TMEM108: variants seen among roughly 807,000 people sequenced by gnomAD.
The protein encoded by TMEM108 is transmembrane protein 108.
In TMEM108, 12 loss-of-function variants were observed where a neutral mutation model predicts 35.1. The ratio of observed to expected loss-of-function variants is 0.34; its 90% CI spans 0.22 to 0.55. The LOEUF (loss-of-function observed/expected upper bound fraction) is 0.55, where lower values mean the gene tolerates loss of function less well. Among genes scored for constraint, TMEM108 ranks in the 20% least tolerant of loss-of-function variants. TMEM108 has a pLI of 0.89. For missense variants in TMEM108, 680 were observed against 753.3 expected (o/e 0.90, Z 1.14); for synonymous variants, 287 against 308.6 (o/e 0.93, Z 0.73).
At chr3:133,347,766 C>T (rs1183957132) in intron 3 of TMEM108, among the ~76,000 whole-genome samples, 1 of 151,980 alleles carries the variant, frequency 6.6e-6, no homozygotes, top group Non-Finnish European at 1.5e-5. Context: ...AATACTTCCC[C>T]TATATAGCAG....
At chr3:133,057,431 GTGTGT>G (rs1943479095) in intron 2 of TMEM108, among the ~76,000 whole-genome samples, 1 of 42,450 alleles carries the variant, frequency 2.4e-5, no homozygotes, top group Non-Finnish European at 4.7e-5. Flanking sequence ...TTGTGTGTGT[GTGTGT>G]ATATATATAT....
chr3:133,282,746 G>A (rs1218699243), intron 3 of TMEM108, among the ~76,000 whole-genome samples: 1 of 152,130 alleles, frequency 6.6e-6, no homozygotes, highest in Non-Finnish European at 1.5e-5. Flanking sequence ...CTTTATGAAA[G>A]GTGAAGTACA....
At chr3:133,118,026 T>C (rs1471233583) in intron 2 of TMEM108, among the ~76,000 whole-genome samples, 11 of 152,152 alleles carry the variant, frequency 7.2e-5, no homozygotes, top group East Asian at 1.9e-4. Flanking sequence ...TGAGTACTCA[T>C]TCTATTAGGT....
chr3:133,245,768 T>A (rs901970911), intron 3 of TMEM108, among the ~76,000 whole-genome samples: 5 of 152,228 alleles, frequency 3.3e-5, no homozygotes, highest in Admixed American at 2.6e-4. Context: ...ATGGTCTAGG[T>A]TGGCCCAGTC....
intron 3 of TMEM108, among the ~76,000 whole-genome samples, chr3:133,374,628 G>C (rs1202197335): frequency 3.3e-5 from 5 of 151,532 alleles, no homozygotes; most frequent in African/African-American, 1.2e-4. Context: ...CCAAACAATG[G>C]AGTGTATGAG....
At chr3:133,113,254 G>A (rs1944247655) in intron 2 of TMEM108, among the ~76,000 whole-genome samples, 1 of 152,160 alleles carries the variant, frequency 6.6e-6, no homozygotes, top group Admixed American at 6.5e-5. Context: ...GTTCAGCTGG[G>A]TGTGGTTTTC....
At chr3:133,139,986 G>A (rs939992001) in intron 2 of TMEM108, among the ~76,000 whole-genome samples, 1 of 152,186 alleles carries the variant, frequency 6.6e-6, no homozygotes, top group African/African-American at 2.4e-5. Context: ...GGGGGAAGAG[G>A]ATAGGAGCAG....
At chr3:133,041,345 G>A (rs1054456364) in intron 1 of TMEM108, among the ~76,000 whole-genome samples, 4 of 152,064 alleles carry the variant, frequency 2.6e-5, no homozygotes, top group African/African-American at 7.2e-5. Flanking sequence ...CTAGGCTGCC[G>A]TTCCTTCACT....
intron 3 of TMEM108, among the ~76,000 whole-genome samples, chr3:133,288,402 ATGTGAC>A (rs1036545953): frequency 1.3e-5 from 2 of 152,218 alleles, no homozygotes; most frequent in African/African-American, 2.4e-5. Flanking sequence ...ACCAAGCTTG[ATGTGAC>A]TTGGTTGTTT....
chr3:133,070,431 C>G (rs1202539364), intron 2 of TMEM108, among the ~76,000 whole-genome samples: 1 of 152,146 alleles, frequency 6.6e-6, no homozygotes, highest in African/African-American at 2.4e-5. Context: ...TTTCTCTCCC[C>G]TTAACTTGTG....
intron 2 of TMEM108, among the ~76,000 whole-genome samples, chr3:133,154,611 A>C (rs1443735310): frequency 6.6e-6 from 1 of 152,140 alleles, no homozygotes; most frequent in Non-Finnish European, 1.5e-5. Flanking sequence ...TATCGCAAGG[A>C]CAAAAAACCA....
chr3:133,174,261 G>A (rs1181477934), intron 2 of TMEM108, among the ~76,000 whole-genome samples: 2 of 152,248 alleles, frequency 1.3e-5, no homozygotes, highest in Admixed American at 6.5e-5. Context: ...ACGGGGCATT[G>A]CCAAACAAAA....
intron 3 of TMEM108, among the ~76,000 whole-genome samples, chr3:133,270,740 T>C (rs1262048722): frequency 6.6e-6 from 1 of 152,018 alleles, no homozygotes; most frequent in Non-Finnish European, 1.5e-5. Context: ...CTCCAACTTC[T>C]GCTGCCAGGA....
intron 2 of TMEM108, among the ~76,000 whole-genome samples, chr3:133,188,530 A>G (rs1263469401): frequency 6.6e-6 from 1 of 151,838 alleles, no homozygotes; most frequent in Non-Finnish European, 1.5e-5. Flanking sequence ...TATTAAGAAA[A>G]TTACTTCCTT....
intron 3 of TMEM108, chr3:133,246,363 G>A (rs191536678): frequency 1.3e-5 from 2 of 152,190 alleles, no homozygotes; most frequent in East Asian, 3.9e-4. Flanking sequence ...CTTATGCCAG[G>A]AATACATGAC....
At chr3:133,138,645 C>A (rs1001533592) in intron 2 of TMEM108, among the ~76,000 whole-genome samples, 28 of 152,094 alleles carry the variant, frequency 1.8e-4, no homozygotes, top group Non-Finnish European at 2.9e-5. Context: ...TCATGTATAA[C>A]CGTGTATTCA....
intron 2 of TMEM108, among the ~76,000 whole-genome samples, chr3:133,066,702 A>G (rs1943612663): frequency 6.6e-6 from 1 of 152,212 alleles, no homozygotes. Flanking sequence ...TATAATGTAT[A>G]TATTATTTAT....
At chr3:133,290,557 G>A (rs538604255) in intron 3 of TMEM108, among the ~76,000 whole-genome samples, 9 of 152,064 alleles carry the variant, frequency 5.9e-5, no homozygotes, top group African/African-American at 1.7e-4. Flanking sequence ...GAAGGCAGAG[G>A]TTGCAGTGAG....
chr3:133,296,509 G>T (rs1947147113), intron 3 of TMEM108, among the ~76,000 whole-genome samples: 1 of 151,752 alleles, frequency 6.6e-6, no homozygotes, highest in Non-Finnish European at 1.5e-5. Context: ...TAAGTATTAA[G>T]CTATTAATAC....
Sources: gnomAD v4.1 joint callset for allele counts (sites outside exome capture counted in the v4.1 genomes callset) on GRCh38, gnomAD v4.1.1 for gene constraint, MANE v1.5 for transcripts, NCBI Gene and HGNC (gene_info 2026-07-23, HGNC 2026-07-21) for gene names.